KDM5A: variants seen among roughly 807,000 people sequenced by gnomAD.
KDM5A encodes lysine-specific demethylase 5A.
In KDM5A, 42 loss-of-function variants were observed where a neutral mutation model predicts 193.5. The observed-to-expected ratio is 0.22, with a 90% confidence interval of 0.17 to 0.28. The LOEUF (loss-of-function observed/expected upper bound fraction) is 0.28. Among genes scored for constraint, KDM5A ranks in the 10% least tolerant of loss-of-function variants. The pLI is 1.00. For missense variants in KDM5A, 1,692 were observed against 2,055.1 expected, an observed-to-expected ratio of 0.82 and a Z score of 3.42; for synonymous variants, 796 against 718.1, an observed-to-expected ratio of 1.11 and a Z score of -1.73.
intron 11 of KDM5A, 24 bp downstream of exon 11, chr12:334,217 T>C: frequency 6.2e-7 from 1 of 1,600,820 alleles, no homozygotes; most frequent in East Asian, 2.2e-5. Context: ...AGTTCATGCA[T>C]GCTGTATTTT....
At chr12:353,713 G>C (rs955189594) in intron 8 of KDM5A, among the ~76,000 whole-genome samples, 53 of 152,084 alleles carry the variant, frequency 3.5e-4, no homozygotes, top group African/African-American at 1.3e-3. Flanking sequence ...ACGAGGTCAA[G>C]AGACCGAGAC....
At chr12:341,015 G>A (rs1197801923) in intron 10 of KDM5A, among the ~76,000 whole-genome samples, 2 of 152,098 alleles carry the variant, frequency 1.3e-5, no homozygotes, top group East Asian at 3.8e-4. Flanking sequence ...CAATAATGGA[G>A]GCAGGATTAC....
At chr12:324,332 GAC>G (rs1230294627) in intron 14 of KDM5A, among the ~76,000 whole-genome samples, 1 of 152,088 alleles carries the variant, frequency 6.6e-6, no homozygotes, top group East Asian at 1.9e-4. Flanking sequence ...CAAAAGTCAA[GAC>G]AGTTTTTTGA....
At chr12:385,821 G>A in intron 2 of KDM5A, 76 bp downstream of exon 2, 1 of 1,065,854 alleles carries the variant, frequency 9.4e-7, no homozygotes, top group South Asian at 1.3e-5. Flanking sequence ...TGGTACATGA[G>A]CTTCTCAAAG....
rs199915159 is a variant in KDM5A at position 284,638 on chromosome 12, C to CTT, written c.*816_*817dup. On this transcript the variant is annotated 3_prime_UTR_variant, in exon 28 of 28. Coordinates refer to ENST00000399788, the MANE Select transcript of KDM5A (RefSeq NM_001042603.3). ...CTGGTCATCATCGTCATCTTCTTCT[C>CTT]TTTTTTTTTTTGGCAGAAGCCTGGA... is the stretch of plus-strand genomic sequence containing the variant. 1.5e-4 allele frequency: 30 copies of CTT among 204,682 alleles called. No homozygotes were observed. Among genetic ancestry groups the CTT allele is most frequent in the East Asian group, 4.5e-4 (6 of 13,224 alleles). 12.7% of individuals were successfully genotyped at this position (204,682 alleles called of 1,614,324 possible). A position where few individuals can be genotyped will look rare whatever the true frequency, so the allele number is the denominator to read the frequency against.
chr12:366,356 CTG>C (rs1944356979), intron 3 of KDM5A, among the ~76,000 whole-genome samples: 1 of 152,184 alleles, frequency 6.6e-6, no homozygotes, highest in African/African-American at 2.4e-5. Context: ...AATGAATACT[CTG>C]TACAGTACGC....
chr12:372,060 T>C (rs914984089), intron 3 of KDM5A, among the ~76,000 whole-genome samples: 1 of 152,198 alleles, frequency 6.6e-6, no homozygotes, highest in Admixed American at 6.5e-5. Flanking sequence ...TCTTTTGGCT[T>C]AGGATTGACT....
chr12:329,513 G>C (rs1943835912), intron 13 of KDM5A, among the ~76,000 whole-genome samples: 1 of 151,648 alleles, frequency 6.6e-6, no homozygotes, highest in African/African-American at 2.4e-5. Context: ...AAATAGGAAA[G>C]GGGAAAAAGT....
chr12:382,546 T>C (rs894352453), intron 3 of KDM5A, among the ~76,000 whole-genome samples: 1 of 152,066 alleles, frequency 6.6e-6, no homozygotes, highest in Non-Finnish European at 1.5e-5. Context: ...GTATATAAAT[T>C]ATAAGATATG....
At chr12:304,530 G>A (rs999845715) in intron 24 of KDM5A, among the ~76,000 whole-genome samples, 2 of 146,282 alleles carry the variant, frequency 1.4e-5, no homozygotes, top group African/African-American at 5.1e-5. Context: ...TAGAGCATCT[G>A]ACTGCAAAGT....
At position 290,031 on chromosome 12, in the gene KDM5A, C is replaced by CTA. The variant is rs563739158; in HGVS notation, c.4866+2726_4866+2727dup. Reference sequence around the variant, plus strand: ...CACAGGTGCGATCATAGCACATTAACTATAGCCTTGAACTCCTGGACTCAG... The same window carrying CTA: ...CACAGGTGCGATCATAGCACATTAACTATATAGCCTTGAACTCCTGGACTCAG... On this transcript the variant is annotated intron_variant, in intron 27 of 27. Transcript: ENST00000399788. Among the ~76,000 whole-genome samples the CTA allele has an allele frequency of 3.3e-5, 5 of 149,352 alleles. No homozygotes were observed. In the East Asian group the frequency reaches 1.0e-3, roughly 30 times the overall value.
rs1565521281 is a variant in KDM5A at position 286,289 on chromosome 12, ACTCTGGG to A, written c.4867-634_4867-628del. On this transcript the variant is annotated intron_variant, in intron 27 of 27. Coordinates refer to ENST00000399788, the MANE Select transcript of KDM5A (RefSeq NM_001042603.3). The stretch of plus-strand genomic sequence containing the variant: ...AGTCAAAGACACAGGTCAATAGATC[ACTCTGGG>A]GTTTAAAATTAAAATCTGAAAAACT... 9.6e-6 allele frequency: 4 copies of A among 415,376 alleles called. No individual in the cohort carries two copies. In the Admixed American group the frequency reaches 1.0e-4, roughly 10 times the overall value. The allele number at this position is 415,376 out of a possible 1,614,324, so 25.7% of individuals were successfully genotyped here.
At position 350,914 on chromosome 12, in the gene KDM5A, C is replaced by T. The variant is rs1944149444; in HGVS notation, c.1150-135G>A. ...TTCTGATTCCCTAGAGCAGTAAAGA[C>T]CGAGATCCTAGCTTTTTCCAATGAG... On this transcript the variant is annotated intron_variant, in intron 9 of 27. Transcript: ENST00000399788. 17 of 779,014 alleles carry T rather than the reference C, an allele frequency of 2.2e-5. No homozygotes were observed. The South Asian group carries it at 2.7e-4, about 13-fold the overall frequency. 48.3% of individuals were successfully genotyped at this position (779,014 alleles called of 1,614,324 possible).
At chr12:355,571 A>G (rs1193740409) in intron 6 of KDM5A, among the ~76,000 whole-genome samples, 1 of 152,242 alleles carries the variant, frequency 6.6e-6, no homozygotes, top group Non-Finnish European at 1.5e-5. Flanking sequence ...GAACTCCCAA[A>G]TTAGGGACTA....
rs60377454 is a variant in KDM5A at position 323,210 on chromosome 12, C to CAAAAAAAAAAAAAAAAAAAA, written c.2151-24_2151-5dup. 117 of 297,126 alleles carry CAAAAAAAAAAAAAAAAAAAA rather than the reference C, an allele frequency of 3.9e-4. 11 individuals are homozygous for CAAAAAAAAAAAAAAAAAAAA. Among genetic ancestry groups the CAAAAAAAAAAAAAAAAAAAA allele is most frequent in the East Asian group, 1.4e-3 (17 of 12,198 alleles). The allele number at this position is 297,126 out of a possible 1,614,324, so 18.4% of individuals were successfully genotyped here. A position where few individuals can be genotyped will look rare whatever the true frequency, so the allele number is the denominator to read the frequency against. On this transcript the variant is annotated splice_region_variant and splice_polypyrimidine_tract_variant and intron_variant, in intron 15 of 27. Transcript: ENST00000399788. ...GTCTTCTAATGGGTAGCGATATCTA[C>CAAAAAAAAAAAAAAAAAAAA]AAAAAAAAAAAAAAAAAAAAAAAAA...
chr12:293,791 G>GAA (rs1565523782), intron 26 of KDM5A, among the ~76,000 whole-genome samples: 5 of 118,054 alleles, frequency 4.2e-5, no homozygotes, highest in African/African-American at 1.3e-4. Flanking sequence ...AAAAAAAAGG[G>GAA]GGGGGGGGGG....
Position 293,068 on chromosome 12 carries a change from T to C in KDM5A, c.4557A>G (p.Glu1519=). ...TTAACTCCTTGGACTTCTGTTTTCC[T>C]TCTCCAAAAAGTTGCTCTACCTTTT... ...KLEKVEQLFG[E]GKQKSKELKK... is the part of the protein sequence containing the mutation. The change falls in exon 27 of 28, where the codon GAA becomes GAG. Residue 1519 remains glutamate, a synonymous_variant. Transcript: ENST00000399788. The C allele has an allele frequency of 6.3e-7, 1 of 1,586,682 alleles. No individual in the cohort carries two copies.
chr12:369,026 G>C (rs1160695509), intron 3 of KDM5A, among the ~76,000 whole-genome samples: 1 of 152,184 alleles, frequency 6.6e-6, no homozygotes, highest in South Asian at 2.1e-4. Context: ...TATAAACAAA[G>C]ATGAACCTAT....
intron 4 of KDM5A, 92 bp from the exon 5 acceptor site, chr12:363,189 C>T (rs1444565874): frequency 7.0e-7 from 1 of 1,420,064 alleles, no homozygotes; most frequent in African/African-American, 1.4e-5. Flanking sequence ...CCAATGAATC[C>T]CTAAAACTAG....
Sources: allele counts gnomAD v4.1 joint callset (sites outside exome capture counted in the v4.1 genomes callset), GRCh38; gene constraint gnomAD v4.1.1; transcripts MANE v1.5; gene names NCBI Gene and HGNC (gene_info 2026-07-23, HGNC 2026-07-21).